The following KIAA0586 variants were observed in gnomAD, a reference collection of about 807,000 sequenced individuals.
The protein encoded by KIAA0586 is protein TALPID3.
KIAA0586 carries 144 observed loss-of-function variants against 169.8 expected under a neutral mutation model. That is an observed-to-expected ratio of 0.85 (90% CI 0.74 to 0.97). The LOEUF is 0.97. Ranked by LOEUF, KIAA0586 falls within the 50% of genes least tolerant of loss-of-function variation. The pLI, the probability that KIAA0586 is intolerant of heterozygous loss-of-function variation, is 0.00. For synonymous variants in KIAA0586, 625 were observed against 612.4 expected (o/e 1.02, Z -0.30); for missense variants, 1,854 against 1,823.0 (o/e 1.02, Z -0.31).
chr14:58,474,636 C>T lies in KIAA0586; in HGVS notation c.2664C>T (p.Asp888=), dbSNP rs1382911588. ...QEEEKCDEIP[D]SEPILEFNRS... ...AAGAAAAATGTGATGAAATTCCAGA[C>T]TCTGAACCAATTCTGGAGTTTAACA... The change falls in exon 19 of 31, where the codon GAC becomes GAT. Residue 888 remains aspartate (D), a synonymous_variant. Transcript: ENST00000652326. The T allele has an allele frequency of 2.5e-6, 4 of 1,595,488 alleles. No homozygotes were observed. The highest frequency in any genetic ancestry group is 3.4e-6 in the Non-Finnish European group (4 of 1,174,564).
At chr14:58,519,194 T>A (rs145795457) in intron 29 of KIAA0586, among the ~76,000 whole-genome samples, 1 of 152,310 alleles carries the variant, frequency 6.6e-6, no homozygotes, top group Non-Finnish European at 1.5e-5. Context: ...GCTAGGTGTG[T>A]TCTATGTTAA....
At chr14:58,448,201 C>T (rs1327649037) in intron 6 of KIAA0586, 139 bp from the exon 7 acceptor site, 4 of 603,250 alleles carry the variant, frequency 6.6e-6, no homozygotes, top group Non-Finnish European at 1.2e-5. Context: ...ACAGTGGATA[C>T]TTGCAATGTA....
rs113491779 is a variant in KIAA0586 at position 58,492,080 on chromosome 14, A to G, written c.3859-64A>G. Reference sequence around the variant, plus strand: ...ACTGATAAGTTTTTATTAATCTTAAATTGAGAAAAATGCAATTGTTCGAAA... The same window carrying G: ...ACTGATAAGTTTTTATTAATCTTAAGTTGAGAAAAATGCAATTGTTCGAAA... On this transcript the variant is annotated intron_variant, in intron 25 of 30. Transcript: ENST00000652326. 1.5e-5 allele frequency: 20 copies of G among 1,307,660 alleles called. 1 individual carries two copies. The highest frequency in any genetic ancestry group is 1.3e-4 in the African/African-American group (9 of 67,012). 81.0% of individuals were successfully genotyped at this position (1,307,660 alleles called of 1,614,324 possible).
rs765015712 is a variant in KIAA0586 at position 58,441,359 on chromosome 14, C to T, written c.411-1347C>T. 4.6e-5 allele frequency: 19 copies of T among 412,512 alleles called. No individual in the cohort carries two copies. The East Asian group carries it at 1.1e-3, about 24-fold the overall frequency. The allele number at this position is 412,512 out of a possible 1,614,324, so 25.6% of individuals were successfully genotyped here. A position where few individuals can be genotyped will look rare whatever the true frequency, so the allele number is the denominator to read the frequency against. ...GGGACTACAGGTGTGTGCCACCACA[C>T]CTGGCTAATTTTTGTATTTTTTGTA... On this transcript the variant is annotated intron_variant, in intron 4 of 30. Transcript: ENST00000652326.
chr14:58,480,935 T>C (rs539891965), intron 20 of KIAA0586, among the ~76,000 whole-genome samples: 16 of 152,362 alleles, frequency 1.1e-4, no homozygotes, highest in Admixed American at 1.3e-4. Context: ...TTTTCTTCCC[T>C]GTCAAAGATT....
Position 58,442,883 on chromosome 14 carries a change from A to G in KIAA0586, c.585+3A>G, listed in dbSNP as rs1282208994. The stretch of plus-strand genomic sequence containing the variant: ...CAACCGCAGCTCCGTTGATAAAGGT[A>G]TATTTTTCTTCCCAGATAATCATAA... On this transcript the variant is annotated splice_donor_region_variant and intron_variant, in intron 5 of 30. Transcript: ENST00000652326. The G allele has an allele frequency of 3.1e-6, 5 of 1,594,000 alleles. No homozygotes were observed. Among genetic ancestry groups the G allele is most frequent in the African/African-American group, 1.3e-5 (1 of 74,276 alleles).
At position 58,459,857 on chromosome 14, in the gene KIAA0586, A is replaced by G. The variant is rs2140873582; in HGVS notation, c.1671A>G (p.Arg557=). 2 of 1,525,918 alleles carry G rather than the reference A, an allele frequency of 1.3e-6. No homozygotes were observed. Among genetic ancestry groups the G allele is most frequent in the South Asian group, 2.4e-5 (2 of 82,422 alleles). 94.5% of individuals were successfully genotyped at this position (1,525,918 alleles called of 1,614,324 possible). The change falls in exon 13 of 31, where the codon AGA becomes AGG. Residue 557 remains arginine (R), a synonymous_variant. Transcript: ENST00000652326. ...GTTATGTTAAGGATGAACTGTCAAGAACAGATTATGAACAAAAAAGATTTG... is the reference window on the plus strand; with the variant it reads ...GTTATGTTAAGGATGAACTGTCAAGGACAGATTATGAACAAAAAAGATTTG... ...ISAEIQDELS[R]TDYEQKRFDQ... is the part of the protein sequence containing the mutation.
intron 24 of KIAA0586, 117 bp from the exon 25 acceptor site, chr14:58,490,047 G>A (rs1000890180): frequency 2.6e-5 from 14 of 539,092 alleles, no homozygotes; most frequent in Non-Finnish European, 3.5e-5. Flanking sequence ...TATAAACTTT[G>A]CCAGTATTTC....
In KIAA0586 at chr14:58,498,928, AAC is replaced by A; in HGVS notation, c.4137_4138del (p.Lys1379AsnfsTer7). The stretch of plus-strand genomic sequence containing the variant: ...TCTTTGGATCAACAATGTGATCCTA[AAC>A]CATTATCTCGGCAATTTGACACAGT... On this transcript the variant is annotated frameshift_variant, in exon 27 of 31. Coordinates refer to ENST00000652326, the MANE Select transcript of KIAA0586 (RefSeq NM_001329943.3). LOFTEE classifies it high-confidence loss of function. 1 of 1,608,702 alleles carries A rather than the reference AAC, an allele frequency of 6.2e-7. No homozygotes were observed. The highest frequency in any genetic ancestry group is 8.5e-7 in the Non-Finnish European group (1 of 1,177,602).
At chr14:58,462,418 T>G (rs1261108836) in intron 14 of KIAA0586, among the ~76,000 whole-genome samples, 1 of 152,010 alleles carries the variant, frequency 6.6e-6, no homozygotes, top group Non-Finnish European at 1.5e-5. Flanking sequence ...CAGCTAATTT[T>G]TTTTTTGTAT....
chr14:58,464,317 T>C (rs1595212552), intron 14 of KIAA0586, among the ~76,000 whole-genome samples: 1 of 4,118 alleles, frequency 2.4e-4, no homozygotes, highest in East Asian at 0.17. Flanking sequence ...AGTTAGTTTA[T>C]AAAGGTTTAT....
intron 25 of KIAA0586, 23 bp from the exon 26 acceptor site, chr14:58,492,117 TATTA>T: frequency 6.9e-7 from 1 of 1,459,484 alleles, no homozygotes; most frequent in Non-Finnish European, 9.1e-7. Context: ...AATTTATTTT[TATTA>T]ATTGTCTTTA....
At chr14:58,476,352 G>A (rs1446663391) in intron 19 of KIAA0586, among the ~76,000 whole-genome samples, 1 of 151,912 alleles carries the variant, frequency 6.6e-6, no homozygotes, top group Non-Finnish European at 1.5e-5. Context: ...AGATGACTTT[G>A]GAAATAAATT....
chr14:58,498,732 T>G, intron 26 of KIAA0586, 51 bp from the exon 27 acceptor site: 2 of 1,496,640 alleles, frequency 1.3e-6, no homozygotes, highest in Non-Finnish European at 1.8e-6. Flanking sequence ...ATTTCCTGTT[T>G]TGACTTGATT....
chr14:58,539,533 T>TA (rs769604828), intron 29 of KIAA0586, among the ~76,000 whole-genome samples: 56 of 152,128 alleles, frequency 3.7e-4, no homozygotes, highest in Non-Finnish European at 6.8e-4. Context: ...TCTCTGGCCA[T>TA]AAAAAAGATT....
At chr14:58,484,878 TTATATATATATTTATATATATATATATA>T (rs2042268170) in intron 21 of KIAA0586, among the ~76,000 whole-genome samples, 1 of 51,002 alleles carries the variant, frequency 2.0e-5, no homozygotes, top group African/African-American at 7.9e-5. Context: ...TTTATATATA[TTATATATATATTTATATATATATATATA>T]TATATATATA....
chr14:58,428,425 C>T lies in KIAA0586; in HGVS notation c.161C>T (p.Pro54Leu). The change falls in exon 1 of 31, where the codon CCT (proline) becomes CTT (leucine). Residue 54 changes from proline to leucine, a missense_variant. Coordinates refer to ENST00000652326, the MANE Select transcript of KIAA0586 (RefSeq NM_001329943.3). The part of the protein sequence containing the change: ...PPALSANKRL[P>L]VGTGTSLNGT... Reference sequence around the variant, plus strand: ...GCATTGTCTGCAAATAAACGTCTTCCTGTTGGAACGGGGACTAGTTTGAAT... The same window carrying T: ...GCATTGTCTGCAAATAAACGTCTTCTTGTTGGAACGGGGACTAGTTTGAAT... The T allele has an allele frequency of 6.2e-7, 1 of 1,613,904 alleles. No homozygotes were observed. The highest frequency in any genetic ancestry group is 8.5e-7 in the Non-Finnish European group (1 of 1,179,830).
At chr14:58,472,920 A>G (rs1338616071) in intron 18 of KIAA0586, among the ~76,000 whole-genome samples, 3 of 142,592 alleles carry the variant, frequency 2.1e-5, no homozygotes, top group Non-Finnish European at 4.5e-5. Flanking sequence ...GGTGTGCAGT[A>G]TATTAATGTT....
chr14:58,451,301 C>T (rs1042649133), intron 8 of KIAA0586, among the ~76,000 whole-genome samples: 3 of 152,164 alleles, frequency 2.0e-5, no homozygotes, highest in African/African-American at 7.2e-5. Context: ...TCATGGCTCA[C>T]TGCAGCCTTT....
Sources: gnomAD v4.1 joint callset for allele counts (sites outside exome capture counted in the v4.1 genomes callset) on GRCh38, gnomAD v4.1.1 for gene constraint, MANE v1.5 for transcripts, NCBI Gene and HGNC (gene_info 2026-07-23, HGNC 2026-07-21) for gene names.